Variants in CLCN5 observed in about 807,000 individuals in gnomAD.
CLCN5 encodes Cl-/H+ antiporter 5, also known as H(+)/Cl(-) exchange transporter 5.
A neutral mutation model predicts 54.0 loss-of-function variants in CLCN5; 17 were observed. That is an observed-to-expected ratio of 0.31 (90% confidence interval 0.22 to 0.47). The LOEUF (loss-of-function observed/expected upper bound fraction) is 0.47. Ranked by LOEUF, CLCN5 falls within the 20% of genes least tolerant of loss-of-function variation. The pLI is 1.00. For synonymous variants in CLCN5, 222 were observed against 233.0 expected (o/e 0.95, Z 0.43); for missense variants, 448 against 646.7 (o/e 0.69, Z 3.33).
At chrX:49,993,166 C>T (rs1468707807) in intron 3 of CLCN5, among the ~76,000 whole-genome samples, 4 of 111,404 alleles carry the variant, frequency 3.6e-5, no homozygotes, top group Non-Finnish European at 5.7e-5. Context: ...CTCCCCACAC[C>T]CACCTTCTCC....
At chrX:49,991,379 T>TAG (rs1287371784) in intron 3 of CLCN5, among the ~76,000 whole-genome samples, 3 of 112,136 alleles carry the variant, frequency 2.7e-5, no homozygotes, top group Non-Finnish European at 3.8e-5. Context: ...TTCATGTCCT[T>TAG]AGCCCACTTT....
In CLCN5 at chrX:50,041,529, A is replaced by G. The variant is rs939092922; in HGVS notation, c.17-787A>G. Among the ~76,000 whole-genome samples, 7 of 110,930 alleles carry G rather than the reference A, an allele frequency of 6.3e-5. No individual in the cohort carries two copies. In the Admixed American group the frequency reaches 6.8e-4, roughly 11 times the overall value. On this transcript the variant is annotated intron_variant, in intron 3 of 14. Coordinates refer to ENST00000376091, the MANE Select transcript of CLCN5 (RefSeq NM_001127898.4). The stretch of plus-strand genomic sequence containing the variant: ...TGTCAGTCATCTAGTATTTCTGTGC[A>G]TATACACTGTATTAAGACGTCTGGG...
chrX:50,002,681 CTGTGTGTGTGTGTGTGTG>C (rs60257335), intron 3 of CLCN5, among the ~76,000 whole-genome samples: 9 of 94,763 alleles, frequency 9.5e-5, no homozygotes, highest in African/African-American at 1.3e-4. Context: ...CTCTCTCTCT[CTGTGTGTGTGTGTGTGTG>C]TGTGTGTGTG....
intron 7 of CLCN5, among the ~76,000 whole-genome samples, chrX:50,078,622 C>G (rs1044844200): frequency 2.7e-5 from 3 of 112,494 alleles, no homozygotes; most frequent in Non-Finnish European, 5.6e-5. Context: ...ATTTGTTTAA[C>G]CACCACCACA....
chrX:50,038,377 A>G (rs1184689282), intron 3 of CLCN5, among the ~76,000 whole-genome samples: 1 of 111,682 alleles, frequency 9.0e-6, no homozygotes, highest in Non-Finnish European at 1.9e-5. Flanking sequence ...GGAAGATATC[A>G]CTTTTATCAA....
chrX:49,957,323 C>A (rs903573972), intron 3 of CLCN5, among the ~76,000 whole-genome samples: 8 of 111,476 alleles, frequency 7.2e-5, no homozygotes, highest in African/African-American at 2.3e-4. Flanking sequence ...AAAATACATA[C>A]CTTGTTAATG....
At position 50,038,141 on chromosome X, in the gene CLCN5, G is replaced by A. The variant is rs183002108; in HGVS notation, c.17-4175G>A. Reference sequence around the variant, plus strand: ...GAAAAAGTTCCCACTGGAGAAGTTTGGAAAATTTGAGTATGAAAACAATAG... The same window carrying A: ...GAAAAAGTTCCCACTGGAGAAGTTTAGAAAATTTGAGTATGAAAACAATAG... On this transcript the variant is annotated intron_variant, in intron 3 of 14. Transcript: ENST00000376091. Among the ~76,000 whole-genome samples the A allele has an allele frequency of 1.3e-3, 147 of 111,548 alleles. 1 individual carries two copies. The highest frequency in any genetic ancestry group is 8.9e-4 in the Non-Finnish European group (47 of 53,030).
At chrX:49,952,654 G>A (rs1409270596) in intron 3 of CLCN5, among the ~76,000 whole-genome samples, 5 of 111,284 alleles carry the variant, frequency 4.5e-5, no homozygotes, top group Admixed American at 1.9e-4. Flanking sequence ...GCTACAAATG[G>A]ATACTCTTAT....
At chrX:49,973,361 T>A (rs1277876985) in intron 3 of CLCN5, among the ~76,000 whole-genome samples, 3 of 111,865 alleles carry the variant, frequency 2.7e-5, no homozygotes, top group Non-Finnish European at 3.8e-5. Flanking sequence ...ATGTATTTTT[T>A]AAAAATTTTA....
chrX:49,942,673 C>T (rs782386901), intron 3 of CLCN5, among the ~76,000 whole-genome samples: 12 of 107,040 alleles, frequency 1.1e-4, no homozygotes, highest in East Asian at 8.9e-4. Context: ...TTTGTCCTTG[C>T]GATAGTTTGC....
chrX:50,041,262 G>T (rs1177266515), intron 3 of CLCN5, among the ~76,000 whole-genome samples: 1 of 111,752 alleles, frequency 8.9e-6, no homozygotes, highest in African/African-American at 3.3e-5. Context: ...TAATATTTGT[G>T]TAATTCAGTA....
intron 3 of CLCN5, among the ~76,000 whole-genome samples, chrX:49,997,503 C>A (rs1007056820): frequency 9.0e-6 from 1 of 110,797 alleles, no homozygotes; most frequent in East Asian, 2.8e-4. Context: ...ATTTTGTTAC[C>A]TTCTTCTTTA....
At chrX:50,088,921 A>G in intron 12 of CLCN5, 37 bp downstream of exon 12, 1 of 1,132,891 alleles carries the variant, frequency 8.8e-7, no homozygotes, top group Non-Finnish European at 1.2e-6. Flanking sequence ...GTTGCTACCC[A>G]GGTGACATAC....
chrX:49,954,113 G>A (rs1332562314), intron 3 of CLCN5, among the ~76,000 whole-genome samples: 3 of 111,504 alleles, frequency 2.7e-5, no homozygotes, highest in African/African-American at 9.8e-5. Context: ...ATGTCCATGA[G>A]TTTTCCACTT....
At chrX:49,989,730 C>T (rs781875218) in intron 3 of CLCN5, among the ~76,000 whole-genome samples, 1 of 111,553 alleles carries the variant, frequency 9.0e-6, no homozygotes, top group African/African-American at 3.3e-5. Context: ...CAGTTATTGC[C>T]GGATCTGATT....
intron 3 of CLCN5, among the ~76,000 whole-genome samples, chrX:49,975,328 G>A (rs1443677215): frequency 1.8e-5 from 2 of 111,669 alleles, no homozygotes; most frequent in East Asian, 5.6e-4. Flanking sequence ...AATCAAAGTA[G>A]CCATAGCTTA....
chrX:49,924,757 T>G (rs1925259400), intron 2 of CLCN5, among the ~76,000 whole-genome samples: 2 of 111,637 alleles, frequency 1.8e-5, no homozygotes, highest in Admixed American at 9.5e-5. Context: ...GTTTCCAAAC[T>G]TTATTCATAA....
chrX:50,004,934 A>G (rs1490085190), intron 3 of CLCN5, among the ~76,000 whole-genome samples: 7 of 111,530 alleles, frequency 6.3e-5, no homozygotes, highest in Admixed American at 5.7e-4. Flanking sequence ...ATTGCCAACA[A>G]TTTTTTAATA....
At chrX:49,995,217 G>T (rs926406458) in intron 3 of CLCN5, among the ~76,000 whole-genome samples, 1 of 111,324 alleles carries the variant, frequency 9.0e-6, no homozygotes, top group Non-Finnish European at 1.9e-5. Flanking sequence ...AACCCGACAC[G>T]CCCTGAAATC....
Sources: allele counts gnomAD v4.1 joint callset (sites outside exome capture counted in the v4.1 genomes callset), GRCh38; gene constraint gnomAD v4.1.1; transcripts MANE v1.5; gene names NCBI Gene and HGNC (gene_info 2026-07-23, HGNC 2026-07-21).